ARID1B: variants seen among roughly 807,000 people sequenced by gnomAD.
ARID1B encodes AT-rich interactive domain-containing protein 1B.
ARID1B carries 30 observed loss-of-function variants against 212.3 expected under a neutral mutation model. The ratio of observed to expected loss-of-function variants is 0.14; its 90% CI spans 0.11 to 0.19. The LOEUF (loss-of-function observed/expected upper bound fraction) is 0.19, where lower values mean the gene tolerates loss of function less well. ARID1B is among the 10% of genes least tolerant of loss of function. The probability of loss-of-function intolerance (pLI) is 1.00; values close to 1 mark genes in which losing one functional copy is unlikely to be tolerated. For missense variants in ARID1B, 2,891 were observed against 3,204.0 expected, an observed-to-expected ratio of 0.90 and a Z score of 2.36; for synonymous variants, 1,402 against 1,301.7, an observed-to-expected ratio of 1.08 and a Z score of -1.66.
At chr6:156,953,972 CA>C (rs1400420263) in intron 4 of ARID1B, among the ~76,000 whole-genome samples, 1 of 152,094 alleles carries the variant, frequency 6.6e-6, no homozygotes, top group Non-Finnish European at 1.5e-5. Context: ...AGGATAAAAG[CA>C]TTATTCCATT....
At chr6:157,059,252 A>G (rs2128400821) in intron 4 of ARID1B, among the ~76,000 whole-genome samples, 1 of 152,294 alleles carries the variant, frequency 6.6e-6, no homozygotes, top group East Asian at 1.9e-4. Context: ...ATCATGTGTA[A>G]CAGTTTGTTA....
At chr6:156,808,316 AC>A (rs1487957233) in intron 1 of ARID1B, among the ~76,000 whole-genome samples, 1 of 152,096 alleles carries the variant, frequency 6.6e-6, no homozygotes, top group African/African-American at 2.4e-5. Flanking sequence ...ATCTTAAAAT[AC>A]TTCAGAGTTC....
At chr6:156,857,879 G>T (rs2128122083) in intron 2 of ARID1B, among the ~76,000 whole-genome samples, 1 of 152,340 alleles carries the variant, frequency 6.6e-6, no homozygotes, top group East Asian at 1.9e-4. Context: ...TGCTGCATGT[G>T]ACTGTATTGA....
At chr6:156,874,851 CTCTT>C (rs774958355) in intron 2 of ARID1B, among the ~76,000 whole-genome samples, 1 of 152,152 alleles carries the variant, frequency 6.6e-6, no homozygotes, top group Non-Finnish European at 1.5e-5. Context: ...TTAAGCGTAT[CTCTT>C]TATGGTCGTG....
intron 7 of ARID1B, among the ~76,000 whole-genome samples, chr6:157,133,869 C>T (rs1203053386): frequency 3.3e-5 from 5 of 152,186 alleles, no homozygotes; most frequent in Non-Finnish European, 7.3e-5. Flanking sequence ...TTGTCAGATA[C>T]ACACAGCATC....
At chr6:156,827,133 A>C (rs901440542) in intron 1 of ARID1B, among the ~76,000 whole-genome samples, 1 of 152,010 alleles carries the variant, frequency 6.6e-6, no homozygotes, top group Non-Finnish European at 1.5e-5. Context: ...CTCTCTGCTG[A>C]CTTCTCTACC....
At chr6:157,071,346 G>T (rs1465849168) in intron 4 of ARID1B, 1 of 152,160 alleles carries the variant, frequency 6.6e-6, no homozygotes. Context: ...AGAGCAAAAA[G>T]TGAGCTCAGT....
Position 157,201,264 on chromosome 6 carries a change from C to T in ARID1B, c.5039C>T (p.Ala1680Val), listed in dbSNP as rs758724418. 11 of 1,614,114 alleles carry T rather than the reference C, an allele frequency of 6.8e-6. No homozygotes were observed. The highest frequency in any genetic ancestry group is 2.2e-5 in the East Asian group (1 of 44,872). Residue 1680 changes from alanine to valine, a missense_variant, in exon 18 of 20, where the codon GCG becomes GTG. Ala to Val is a moderately conservative substitution (Grantham distance 64). Transcript: ENST00000636930. The surrounding 1 kb of genome is among the most constrained non-coding windows in gnomAD (Gnocchi z 5.2). ...PNHISRAPSPASFQRSLENRM... is the reference protein window; with the variant it reads ...PNHISRAPSPVSFQRSLENRM... ...CACATCTCCAGGGCGCCCAGCCCAG[C>T]GTCCTTCCAGCGCTCCCTGGAGAAC...
intron 1 of ARID1B, among the ~76,000 whole-genome samples, chr6:156,816,264 A>T (rs138444805): frequency 6.6e-6 from 1 of 152,246 alleles, no homozygotes; most frequent in Non-Finnish European, 1.5e-5. Context: ...GTCAGACAGC[A>T]TATCGATTTT....
intron 4 of ARID1B, among the ~76,000 whole-genome samples, chr6:156,982,425 C>CTTTT (rs778116375): frequency 8.0e-6 from 1 of 124,766 alleles, no homozygotes; most frequent in Admixed American, 7.9e-5. Context: ...CTCTATGGGT[C>CTTTT]TTTTTTTTTT....
At chr6:157,043,827 G>T (rs1258895338) in intron 4 of ARID1B, among the ~76,000 whole-genome samples, 1 of 152,164 alleles carries the variant, frequency 6.6e-6, no homozygotes, top group Admixed American at 6.5e-5. Flanking sequence ...AGTGGGTATG[G>T]CTGGCATCAA....
At chr6:157,006,332 A>G (rs780162756) in intron 4 of ARID1B, among the ~76,000 whole-genome samples, 1 of 152,220 alleles carries the variant, frequency 6.6e-6, no homozygotes, top group Non-Finnish European at 1.5e-5. Context: ...TGCATGTGGA[A>G]TACTGTGTTA....
chr6:156,841,424 A>G (rs1001610788), intron 2 of ARID1B, among the ~76,000 whole-genome samples: 1 of 152,188 alleles, frequency 6.6e-6, no homozygotes, highest in Admixed American at 6.5e-5. Context: ...AATCTTTGAT[A>G]GACATATAAT....
At chr6:156,797,166 G>A (rs925681537) in intron 1 of ARID1B, among the ~76,000 whole-genome samples, 3 of 152,136 alleles carry the variant, frequency 2.0e-5, no homozygotes, top group Non-Finnish European at 4.4e-5. Context: ...GTGGCAGAGT[G>A]TTCTAGGGGC....
Position 156,970,019 on chromosome 6 carries a change from AT to A in ARID1B, c.2247+34446del, listed in dbSNP as rs112082724. Among the ~76,000 whole-genome samples, 921 of 150,930 alleles carry A rather than the reference AT, an allele frequency of 6.1e-3. 13 individuals carry two copies. The highest frequency in any genetic ancestry group is 0.022 in the African/African-American group (887 of 41,142). Reference sequence around the variant, plus strand: ...GTGAACTGTAGAATGTAGAATTTGTATTTAATTATTAAGAATAAAAGCTTTG... The same window carrying A: ...GTGAACTGTAGAATGTAGAATTTGTATTAATTATTAAGAATAAAAGCTTTG... On this transcript the variant is annotated intron_variant, in intron 4 of 19. Coordinates refer to ENST00000636930, the MANE Select transcript of ARID1B (RefSeq NM_001374828.1).
intron 4 of ARID1B, among the ~76,000 whole-genome samples, chr6:156,950,269 A>G (rs1372403587): frequency 6.6e-6 from 1 of 152,228 alleles, no homozygotes; most frequent in African/African-American, 2.4e-5. Context: ...AACTCCTTAC[A>G]TTGCTCAAAG....
chr6:157,202,935 A>G (rs929879277), intron 18 of ARID1B, among the ~76,000 whole-genome samples: 2 of 152,194 alleles, frequency 1.3e-5, no homozygotes, highest in African/African-American at 4.8e-5. Context: ...TAAATTTTCT[A>G]AAAATCTCCC....
intron 4 of ARID1B, among the ~76,000 whole-genome samples, chr6:157,015,956 T>C (rs1370900685): frequency 6.6e-6 from 1 of 152,220 alleles, no homozygotes; most frequent in Non-Finnish European, 1.5e-5. Flanking sequence ...AGCCTCTTGA[T>C]ACATCTGTAA....
In ARID1B at chr6:156,896,241, A is replaced by G. The variant is rs142233729; in HGVS notation, c.1987-5135A>G. On this transcript the variant is annotated intron_variant, in intron 2 of 19. Coordinates refer to ENST00000636930, the MANE Select transcript of ARID1B (RefSeq NM_001374828.1). The stretch of plus-strand genomic sequence containing the variant: ...ACTTAACAAGGCGCATGGCCGGGTC[A>G]TGGGGTCAGTGTACCTTTAAACCTA... 2.0e-4 allele frequency among the ~76,000 whole-genome samples: 31 copies of G among 152,290 alleles called. No individual in the cohort carries two copies. In the Middle Eastern group the frequency reaches 0.01, roughly 50 times the overall value.
Sources: gnomAD v4.1 joint callset for allele counts (sites outside exome capture counted in the v4.1 genomes callset) on GRCh38, gnomAD v4.1.1 for gene constraint, Gnocchi (gnomAD v3.1) non-coding constraint, MANE v1.5 for transcripts, NCBI Gene and HGNC (gene_info 2026-07-23, HGNC 2026-07-21) for gene names.